Variants in MBOAT2 observed in about 807,000 individuals in gnomAD.
MBOAT2 encodes the protein membrane-bound glycerophospholipid O-acyltransferase 2.
MBOAT2 carries 28 observed loss-of-function variants against 63.4 expected under a neutral mutation model. The observed-to-expected ratio is 0.44, with a 90% CI of 0.33 to 0.61. The LOEUF (loss-of-function observed/expected upper bound fraction) is 0.61. Ranked by LOEUF, MBOAT2 falls within the 20% of genes least tolerant of loss-of-function variation. The probability of loss-of-function intolerance (pLI) is 0.03; values close to 1 mark genes in which losing one functional copy is unlikely to be tolerated. For missense variants in MBOAT2, 470 were observed against 605.8 expected (o/e 0.78, Z 2.35); for synonymous variants, 211 against 215.6 (o/e 0.98, Z 0.19).
chr2:8,883,793 T>C (rs2148542558), intron 5 of MBOAT2, among the ~76,000 whole-genome samples: 1 of 152,218 alleles, frequency 6.6e-6, no homozygotes, highest in African/African-American at 2.4e-5. Flanking sequence ...ATCACAACTT[T>C]ATACGTAATA....
intron 1 of MBOAT2, among the ~76,000 whole-genome samples, chr2:8,981,679 G>A (rs556790977): frequency 6.6e-6 from 1 of 152,180 alleles, no homozygotes; most frequent in South Asian, 2.1e-4. Flanking sequence ...TAAAGAGGGA[G>A]GGGGAAACAG....
chr2:8,875,375 A>G (rs1268204579), intron 7 of MBOAT2, among the ~76,000 whole-genome samples: 1 of 152,248 alleles, frequency 6.6e-6, no homozygotes, highest in African/African-American at 2.4e-5. Context: ...GAGGAAAGTG[A>G]TATTTTATGA....
intron 1 of MBOAT2, among the ~76,000 whole-genome samples, chr2:8,993,653 G>A (rs1672067284): frequency 6.6e-6 from 1 of 152,106 alleles, no homozygotes; most frequent in Admixed American, 6.5e-5. Flanking sequence ...CTCAGAACCT[G>A]GCCTTCCTAA....
intron 4 of MBOAT2, among the ~76,000 whole-genome samples, chr2:8,897,982 G>A (rs549190643): frequency 5.9e-5 from 9 of 152,242 alleles, no homozygotes; most frequent in African/African-American, 1.9e-4. Context: ...TCCTTTCCTT[G>A]TATTATTTTG....
rs188153908 is a variant in MBOAT2, at chr2:8,939,194, T to C, written c.299+3993A>G. ...ATGAATCTTTCTACTAAATGGAGAC[T>C]GATATTGGTGCATCTCAGGAACTTA... is the stretch of plus-strand genomic sequence containing the variant. On this transcript the variant is annotated intron_variant, in intron 3 of 12. Transcript: ENST00000305997. Among the ~76,000 whole-genome samples, 581 of 152,338 alleles carry C rather than the reference T, an allele frequency of 3.8e-3. 5 individuals are homozygous for C. The highest frequency in any genetic ancestry group is 6.4e-3 in the Non-Finnish European group (437 of 68,030).
At position 8,928,805 on chromosome 2, in the gene MBOAT2, C is replaced by T. The variant is rs186907815; in HGVS notation, c.299+14382G>A. On this transcript the variant is annotated intron_variant, in intron 3 of 12. Coordinates refer to ENST00000305997, the MANE Select transcript of MBOAT2 (RefSeq NM_138799.4). ...ACATATCATATAGACTCTGGAAAGA[C>T]CCCGTATGCTCTTGAGAGAATGAAA... 7.9e-5 allele frequency among the ~76,000 whole-genome samples: 12 copies of T among 152,218 alleles called. No homozygotes were observed. The East Asian group carries it at 2.3e-3, about 29-fold the overall frequency.
intron 3 of MBOAT2, among the ~76,000 whole-genome samples, chr2:8,926,420 T>C (rs1666937666): frequency 1.3e-5 from 2 of 152,118 alleles, no homozygotes; most frequent in African/African-American, 4.8e-5. Flanking sequence ...AAGGCTGATT[T>C]ATTAAGAAAA....
At chr2:8,904,149 AT>A (rs1443281172) in intron 4 of MBOAT2, among the ~76,000 whole-genome samples, 1 of 151,654 alleles carries the variant, frequency 6.6e-6, no homozygotes, top group Non-Finnish European at 1.5e-5. Flanking sequence ...TAATTTTTGT[AT>A]TTTTAGTAGA....
intron 1 of MBOAT2, among the ~76,000 whole-genome samples, chr2:9,002,770 G>T (rs1558703737): frequency 6.6e-6 from 1 of 152,016 alleles, no homozygotes; most frequent in Non-Finnish European, 1.5e-5. Context: ...CATCAAACTC[G>T]ATTGGCCTCA....
chr2:8,894,122 C>T (rs1161713792), intron 4 of MBOAT2, among the ~76,000 whole-genome samples: 1 of 152,094 alleles, frequency 6.6e-6, no homozygotes, highest in African/African-American at 2.4e-5. Context: ...GCCGACAGAA[C>T]CCGATACGTG....
At chr2:8,865,362 A>C (rs776587387) in intron 9 of MBOAT2, among the ~76,000 whole-genome samples, 20 of 152,180 alleles carry the variant, frequency 1.3e-4, no homozygotes, top group Admixed American at 9.8e-4. Context: ...TCAGACTCCA[A>C]ATTCTCATCA....
intron 3 of MBOAT2, among the ~76,000 whole-genome samples, chr2:8,935,750 G>A (rs576158342): frequency 9.8e-5 from 15 of 152,286 alleles, no homozygotes; most frequent in African/African-American, 3.6e-4. Flanking sequence ...ACTTAGCCAA[G>A]GTTCTGAAGG....
intron 3 of MBOAT2, among the ~76,000 whole-genome samples, chr2:8,926,175 C>G (rs1022474301): frequency 6.6e-6 from 1 of 152,082 alleles, no homozygotes; most frequent in Non-Finnish European, 1.5e-5. Context: ...GTCACCCAGG[C>G]TGGAGTACAG....
chr2:8,860,956 G>T, intron 11 of MBOAT2, 192 bp from the exon 12 acceptor site: 1 of 399,488 alleles, frequency 2.5e-6, no homozygotes, highest in Non-Finnish European at 4.5e-6. Context: ...TGTACACACT[G>T]TGTATAAAAG....
Position 8,864,244 on chromosome 2 carries a change from A to T in MBOAT2, c.988-10T>A, listed in dbSNP as rs758016193. 1 of 1,539,770 alleles carries T rather than the reference A, an allele frequency of 6.5e-7. No homozygotes were observed. ...TGAAACTTGTTGACATCTGAAAAAA[A>T]AGGAAACTTTTTTCTTTGTGTCACA... On this transcript the variant is annotated splice_polypyrimidine_tract_variant and intron_variant, in intron 9 of 12. Coordinates refer to ENST00000305997, the MANE Select transcript of MBOAT2 (RefSeq NM_138799.4).
intron 7 of MBOAT2, among the ~76,000 whole-genome samples, chr2:8,874,457 C>T (rs994255909): frequency 2.0e-5 from 3 of 152,060 alleles, no homozygotes; most frequent in African/African-American, 4.8e-5. Context: ...AAATAAATGG[C>T]CCCATACTTT....
At chr2:8,884,469 T>C (rs1467004088) in intron 5 of MBOAT2, among the ~76,000 whole-genome samples, 2 of 127,526 alleles carry the variant, frequency 1.6e-5, no homozygotes, top group Admixed American at 9.0e-5. Flanking sequence ...CAGATATATG[T>C]TGTCCACCTT....
chr2:8,912,369 GAAAGAGAAAGAAAGAAAGAA>G (rs1558606782), intron 3 of MBOAT2, among the ~76,000 whole-genome samples: 10 of 96,106 alleles, frequency 1.0e-4, no homozygotes, highest in African/African-American at 3.7e-4. Context: ...AAGAAAGAAA[GAAAGAGAAAGAAAGAAAGAA>G]AGAAAGAAAG....
intron 3 of MBOAT2, among the ~76,000 whole-genome samples, chr2:8,923,212 A>G (rs956338864): frequency 2.6e-5 from 4 of 152,188 alleles, no homozygotes; most frequent in African/African-American, 9.6e-5. Flanking sequence ...ATGACCTGCC[A>G]TTGCTTAGCT....
Sources: gnomAD v4.1 joint callset for allele counts (sites outside exome capture counted in the v4.1 genomes callset) on GRCh38, gnomAD v4.1.1 for gene constraint, MANE v1.5 for transcripts, NCBI Gene and HGNC (gene_info 2026-07-23, HGNC 2026-07-21) for gene names.